Variants in FSTL3 observed in about 807,000 individuals in gnomAD.
FSTL3 encodes the protein follistatin like 3.
In FSTL3, 21 loss-of-function variants were observed where a neutral mutation model predicts 28.1. That is an observed-to-expected ratio of 0.75 (90% CI 0.53 to 1.08). FSTL3 has a LOEUF of 1.08. Ranked by LOEUF, FSTL3 falls within the 50% of genes least tolerant of loss-of-function variation. The probability of loss-of-function intolerance (pLI) is 0.00; values close to 1 mark genes in which losing one functional copy is unlikely to be tolerated. For synonymous variants in FSTL3, 199 were observed against 164.2 expected (o/e 1.21, Z -1.62); for missense variants, 400 against 380.9 (o/e 1.05, Z -0.42).
intron 2 of FSTL3, 168 bp downstream of exon 2, chr19:678,145 C>G (rs937693714): frequency 1.6e-6 from 1 of 641,864 alleles, no homozygotes; most frequent in Non-Finnish European, 2.6e-6. Flanking sequence ...CTTCCCGGTT[C>G]CCAGGCTCCA....
At chr19:678,620 C>T (rs1441889859) in intron 2 of FSTL3, among the ~76,000 whole-genome samples, 1 of 144,920 alleles carries the variant, frequency 6.9e-6, no homozygotes, top group African/African-American at 2.6e-5. Flanking sequence ...AGGTGATTCT[C>T]TTTCCTCGGC....
chr19:676,977 CG>C (rs2031225887), intron 1 of FSTL3, among the ~76,000 whole-genome samples: 1 of 152,064 alleles, frequency 6.6e-6, no homozygotes, highest in South Asian at 2.1e-4. Context: ...CCTGGGTAGA[CG>C]GGGCATGGAG....
chr19:679,823 G>T (rs532152823), intron 2 of FSTL3, among the ~76,000 whole-genome samples: 1 of 152,172 alleles, frequency 6.6e-6, no homozygotes, highest in African/African-American at 2.4e-5. Flanking sequence ...CCTCCTGGGG[G>T]AAGGTCCTGG....
Position 677,997 on chromosome 19 carries a change from G to A in FSTL3, c.289+20G>A. On this transcript the variant is annotated intron_variant, in intron 2 of 4. Coordinates refer to ENST00000166139, the MANE Select transcript of FSTL3 (RefSeq NM_005860.3). ...GCAAAGGTGAGACCTCAGGCCAGAA[G>A]CAGGGCAGACGTCTCAGCTCAGGAC... 1 of 1,608,292 alleles carries A rather than the reference G, an allele frequency of 6.2e-7. No homozygotes were observed. Among genetic ancestry groups the A allele is most frequent in the Non-Finnish European group, 8.5e-7 (1 of 1,177,086 alleles).
At chr19:678,602 C>T (rs1456936867) in intron 2 of FSTL3, among the ~76,000 whole-genome samples, 10 of 150,414 alleles carry the variant, frequency 6.6e-5, no homozygotes, top group Admixed American at 4.0e-4. Flanking sequence ...CTTCGGCCTC[C>T]GAGGTTCAGG....
intron 2 of FSTL3, chr19:680,007 C>A (rs2031291139): frequency 4.9e-6 from 1 of 204,756 alleles, no homozygotes. Flanking sequence ...AGAGACCCCC[C>A]CCCGCCCCGG....
At position 682,236 on chromosome 19, in the gene FSTL3, T is replaced by A. The variant is rs1253453194; in HGVS notation, c.*528T>A. The A allele has an allele frequency of 3.7e-6, 1 of 269,368 alleles. No homozygotes were observed. Among genetic ancestry groups the A allele is most frequent in the Non-Finnish European group, 7.1e-6 (1 of 141,696 alleles). The allele number at this position is 269,368 out of a possible 1,614,324, so 16.7% of individuals were successfully genotyped here. ...GTCTAGCCTGGGTGAGTACGGAGGG[T>A]CTAGCCTGGGTGTGTATGGAGGATC... On this transcript the variant is annotated 3_prime_UTR_variant, in exon 5 of 5. Transcript: ENST00000166139.
intron 1 of FSTL3, 32 bp downstream of exon 1, chr19:676,558 C>A: frequency 2.4e-6 from 1 of 421,006 alleles, no homozygotes; most frequent in Non-Finnish European, 3.3e-6. Flanking sequence ...GCGGGCGGGG[C>A]GGGCCACCCA....
In FSTL3 at chr19:677,865, C is replaced by G. The variant is rs755679092; in HGVS notation, c.177C>G (p.Ala59=). The G allele has an allele frequency of 6.2e-7, 1 of 1,613,240 alleles. No individual in the cohort carries two copies. The highest frequency in any genetic ancestry group is 1.1e-5 in the South Asian group (1 of 91,090). ...SLVLQTDVTR[A]ECCASGNIDT... ...TGCTCCAGACTGATGTCACCCGGGCCGAGTGCTGTGCCTCCGGCAACATTG... is the reference window on the plus strand; with the variant it reads ...TGCTCCAGACTGATGTCACCCGGGCGGAGTGCTGTGCCTCCGGCAACATTG... Residue 59 remains alanine, a synonymous_variant, in exon 2 of 5, where the codon GCC becomes GCG. Coordinates refer to ENST00000166139, the MANE Select transcript of FSTL3 (RefSeq NM_005860.3).
At position 683,111 on chromosome 19, in the gene FSTL3, T is replaced by C. The variant is rs769061060; in HGVS notation, c.*1403T>C. On this transcript the variant is annotated 3_prime_UTR_variant, in exon 5 of 5. Transcript: ENST00000166139. ...CGGCTCACCCTCCCCTCCATCTGCG[T>C]TGATGCTCAGAATCGCCTACCTGTG... 37 of 232,930 alleles carry C rather than the reference T, an allele frequency of 1.6e-4. No individual in the cohort carries two copies. The highest frequency in any genetic ancestry group is 2.5e-4 in the Non-Finnish European group (29 of 117,696). The allele number at this position is 232,930 out of a possible 1,614,324, so 14.4% of individuals were successfully genotyped here.
Position 683,169 on chromosome 19 carries a change from T to C in FSTL3, c.*1461T>C. The C allele has an allele frequency of 4.3e-6, 1 of 233,072 alleles. No individual in the cohort carries two copies. The highest frequency in any genetic ancestry group is 8.5e-6 in the Non-Finnish European group (1 of 117,646). 14.4% of individuals were successfully genotyped at this position (233,072 alleles called of 1,614,324 possible). A position where few individuals can be genotyped will look rare whatever the true frequency, so the allele number is the denominator to read the frequency against. ...GTAAACCACAGCCTCAGACCAGCTA[T>C]GGGGAGAGGACAACACGGAGGATAT... On this transcript the variant is annotated 3_prime_UTR_variant, in exon 5 of 5. Coordinates refer to ENST00000166139, the MANE Select transcript of FSTL3 (RefSeq NM_005860.3).
intron 1 of FSTL3, among the ~76,000 whole-genome samples, chr19:676,797 CTCT>C (rs1176850745): frequency 1.1e-4 from 17 of 152,330 alleles, no homozygotes; most frequent in East Asian, 3.9e-4. Flanking sequence ...TGCCGGAGCT[CTCT>C]TCATCTCCGT....
At chr19:676,615 CGGCGGCGGCGGG>C (rs2031215532) in intron 1 of FSTL3, 89 bp downstream of exon 1, 3 of 355,962 alleles carry the variant, frequency 8.4e-6, no homozygotes, top group Admixed American at 1.1e-4. Context: ...GGGGGCGCGG[CGGCGGCGGCGGG>C]GGCGAGGGCG....
Position 677,732 on chromosome 19 carries a change from C to T in FSTL3, c.104-60C>T, listed in dbSNP as rs115178410. On this transcript the variant is annotated intron_variant, in intron 1 of 4. Coordinates refer to ENST00000166139, the MANE Select transcript of FSTL3 (RefSeq NM_005860.3). ...AGCACCACCTGCATGCATCTGTGGGCGGGCCAGAAGCTGGGTGTCAGGAGT... is the reference window on the plus strand; with the variant it reads ...AGCACCACCTGCATGCATCTGTGGGTGGGCCAGAAGCTGGGTGTCAGGAGT... The T allele has an allele frequency of 5.1e-3, 7,577 of 1,477,648 alleles. 287 individuals carry two copies. In the African/African-American group the frequency reaches 0.082, roughly 16 times the overall value. The allele number at this position is 1,477,648 out of a possible 1,614,324, so 91.5% of individuals were successfully genotyped here. A position where few individuals can be genotyped will look rare whatever the true frequency, so the allele number is the denominator to read the frequency against.
In FSTL3 at chr19:682,069, G is replaced by A. The variant is rs1043585651; in HGVS notation, c.*361G>A. The A allele has an allele frequency of 1.9e-5, 8 of 425,070 alleles. No homozygotes were observed. Among genetic ancestry groups the A allele is most frequent in the Non-Finnish European group, 3.5e-5 (8 of 228,684 alleles). The allele number at this position is 425,070 out of a possible 1,614,324, so 26.3% of individuals were successfully genotyped here. On this transcript the variant is annotated 3_prime_UTR_variant, in exon 5 of 5. Transcript: ENST00000166139. Reference sequence around the variant, plus strand: ...CTATCAAGAGGGCTGGGCATTCTCTGCTGGTAATTCCTGAAGAGGCATGAC... The same window carrying A: ...CTATCAAGAGGGCTGGGCATTCTCTACTGGTAATTCCTGAAGAGGCATGAC...
In FSTL3 at chr19:676,504, G is replaced by A; in HGVS notation, c.81G>A (p.Met27Ile). 8.5e-7 allele frequency: 1 copy of A among 1,182,516 alleles called. No homozygotes were observed. 73.3% of individuals were successfully genotyped at this position (1,182,516 alleles called of 1,614,324 possible). A position where few individuals can be genotyped will look rare whatever the true frequency, so the allele number is the denominator to read the frequency against. ...GGGCCGTGGGCTTCGTGAGCTCCAT[G>A]GGCTCGGGGAACCCCGCGCCCGGTG... is the stretch of plus-strand genomic sequence containing the variant. Reference protein sequence around the residue: ...LAWAVGFVSSMGSGNPAPGGV... With the variant: ...LAWAVGFVSSIGSGNPAPGGV... The change falls in exon 1 of 5, where the codon ATG (methionine) becomes ATA (isoleucine). Residue 27 changes from methionine to isoleucine, a missense_variant. Coordinates refer to ENST00000166139, the MANE Select transcript of FSTL3 (RefSeq NM_005860.3).
intron 3 of FSTL3, 130 bp downstream of exon 3, chr19:680,619 T>C (rs2031310877): frequency 2.0e-6 from 1 of 499,238 alleles, no homozygotes; most frequent in Non-Finnish European, 3.0e-6. Flanking sequence ...GAGCGTGACG[T>C]ATCGGGGCTG....
intron 1 of FSTL3, 73 bp downstream of exon 1, chr19:676,599 A>C: frequency 2.2e-6 from 1 of 453,630 alleles, no homozygotes. Flanking sequence ...GGCCGGGGGG[A>C]CGTCGGGGGG....
chr19:678,007 C>A (rs752912256), intron 2 of FSTL3, 30 bp downstream of exon 2: 2 of 1,597,644 alleles, frequency 1.3e-6, no homozygotes, highest in Non-Finnish European at 1.7e-6. Flanking sequence ...GCAGGGCAGA[C>A]GTCTCAGCTC....
Sources: allele counts gnomAD v4.1 joint callset (sites outside exome capture counted in the v4.1 genomes callset), GRCh38; gene constraint gnomAD v4.1.1; transcripts MANE v1.5; gene names NCBI Gene and HGNC (gene_info 2026-07-23, HGNC 2026-07-21).